KRABD2: variants seen among roughly 807,000 people sequenced by gnomAD.
KRABD2 encodes KRAB domain containing 2.
At chr17:8,362,490 G>T in the KRABD2 span, among the ~76,000 whole-genome samples, 2 of 152,200 alleles carry the variant, frequency 1.3e-5, no homozygotes, top group Non-Finnish European at 2.9e-5. The surrounding 1 kb of genome is among the most constrained non-coding windows in gnomAD (Gnocchi z 4.2). Flanking sequence ...TGTCCTGGGG[G>T]AATGGAGAGA....
At chr17:8,361,580 C>A in the KRABD2 span, among the ~76,000 whole-genome samples, 1 of 152,172 alleles carries the variant, frequency 6.6e-6, no homozygotes, top group Admixed American at 6.6e-5. Context: ...GAGTGAGGAA[C>A]CACTGCAGAT....
chr17:8,375,313 GA>G, the KRABD2 span, among the ~76,000 whole-genome samples: 47 of 152,252 alleles, frequency 3.1e-4, no homozygotes, highest in East Asian at 4.7e-3. Flanking sequence ...ACCCAGCCTC[GA>G]TTTCTGGCTT....
chr17:8,360,277 A>C, the KRABD2 span, among the ~76,000 whole-genome samples: 2 of 151,950 alleles, frequency 1.3e-5, no homozygotes, highest in South Asian at 2.1e-4. Context: ...AACTAGATCC[A>C]AACCAAAATG....
chr17:8,371,448 G>A, the KRABD2 span: 2 of 1,614,118 alleles, frequency 1.2e-6, no homozygotes, highest in Non-Finnish European at 1.7e-6. Flanking sequence ...GCTGCCACAG[G>A]GACCATATAG....
chr17:8,359,654 T>C, the KRABD2 span: 1 of 456,016 alleles, frequency 2.2e-6, no homozygotes, highest in Non-Finnish European at 4.4e-6. Flanking sequence ...AGAGGCTCTC[T>C]TCCTGATACA....
chr17:8,370,934 C>T, the KRABD2 span, among the ~76,000 whole-genome samples: 5 of 152,094 alleles, frequency 3.3e-5, no homozygotes, highest in East Asian at 1.9e-4. Flanking sequence ...TTTGGGAGGG[C>T]GAGGTGGGCG....
the KRABD2 span, among the ~76,000 whole-genome samples, chr17:8,372,327 A>G: frequency 3.9e-5 from 6 of 152,240 alleles, no homozygotes; most frequent in Non-Finnish European, 7.3e-5. The surrounding 1 kb of genome is among the most constrained non-coding windows in gnomAD (Gnocchi z 4.1). Flanking sequence ...GATAAGACAC[A>G]TCCAAAATTT....
chr17:8,363,766 A>ATCATACATATATATG, the KRABD2 span, among the ~76,000 whole-genome samples: 62 of 147,958 alleles, frequency 4.2e-4, no homozygotes, highest in Non-Finnish European at 6.9e-4. Context: ...ACATATATAT[A>ATCATACATATATATG]TCATACATAT....
At chr17:8,366,425 C>T in the KRABD2 span, among the ~76,000 whole-genome samples, 4 of 152,196 alleles carry the variant, frequency 2.6e-5, no homozygotes, top group Admixed American at 6.5e-5. Context: ...GATTATTTCC[C>T]TGACTATTGG....
At chr17:8,361,735 T>C in the KRABD2 span, among the ~76,000 whole-genome samples, 1 of 152,156 alleles carries the variant, frequency 6.6e-6, no homozygotes, top group Non-Finnish European at 1.5e-5. Flanking sequence ...TGCCTCACTA[T>C]GTTGCCCAGG....
chr17:8,372,090 C>G, the KRABD2 span: 1 of 985,288 alleles, frequency 1.0e-6, no homozygotes, highest in Non-Finnish European at 1.2e-6. This position sits in a 1 kb window ranked among gnomAD's most constrained non-coding sequence, Gnocchi z 4.1. Flanking sequence ...TCCTGAGAAG[C>G]AGAGAAAGAT....
At chr17:8,372,248 T>C in the KRABD2 span, among the ~76,000 whole-genome samples, 2 of 152,230 alleles carry the variant, frequency 1.3e-5, no homozygotes, top group African/African-American at 4.8e-5. This position sits in a 1 kb window ranked among gnomAD's most constrained non-coding sequence, Gnocchi z 4.1. Context: ...ACATTACTGA[T>C]TGTAAATCAC....
At chr17:8,376,472 G>C in the KRABD2 span, 1 of 1,014,354 alleles carries the variant, frequency 9.9e-7, no homozygotes, top group Non-Finnish European at 1.2e-6. Context: ...TTATTCCTGA[G>C]GACCGGGCTG....
chr17:8,370,122 ACAT>A, the KRABD2 span: 1 of 1,614,038 alleles, frequency 6.2e-7, no homozygotes, highest in Admixed American at 1.7e-5. Flanking sequence ...TACAGAGATC[ACAT>A]CATATTTTGC....
At chr17:8,375,763 T>A in the KRABD2 span, 1 of 493,956 alleles carries the variant, frequency 2.0e-6, no homozygotes, top group Non-Finnish European at 2.9e-6. Context: ...CAGTATCTTT[T>A]CCAAAGCAAC....
At chr17:8,359,381 G>T in the KRABD2 span, 997 of 356,896 alleles carry the variant, frequency 2.8e-3, 10 homozygotes, top group African/African-American at 0.02. Context: ...GTTCAGCAGT[G>T]ATCTGCAAAT....
At chr17:8,364,034 A>G in the KRABD2 span, among the ~76,000 whole-genome samples, 1 of 150,942 alleles carries the variant, frequency 6.6e-6, no homozygotes, top group Non-Finnish European at 1.5e-5. This position sits in a 1 kb window ranked among gnomAD's most constrained non-coding sequence, Gnocchi z 4.4. Context: ...ACACCCAGCT[A>G]ATTTTTGTAT....
chr17:8,371,526 T>C, the KRABD2 span: 2 of 1,602,662 alleles, frequency 1.2e-6, no homozygotes, highest in East Asian at 2.2e-5. Context: ...GCACCAGGAA[T>C]GAAGGCATGC....
At chr17:8,376,150 G>T in the KRABD2 span, 2 of 1,231,672 alleles carry the variant, frequency 1.6e-6, no homozygotes, top group East Asian at 6.3e-5. Flanking sequence ...ACCCCCTTTG[G>T]AGGGCCCACG....
Sources: allele counts gnomAD v4.1 joint callset (sites outside exome capture counted in the v4.1 genomes callset), GRCh38; gene constraint gnomAD v4.1.1; non-coding constraint Gnocchi (gnomAD v3.1); transcripts MANE v1.5; gene names NCBI Gene and HGNC (gene_info 2026-07-23, HGNC 2026-07-21).